MPPE1: variants seen among roughly 807,000 people sequenced by gnomAD.
The protein encoded by MPPE1 is metallophosphoesterase 1.
Under a neutral mutation model 43.8 loss-of-function variants are expected in MPPE1, and 28 were observed. The observed-to-expected ratio is 0.64, with a 90% CI of 0.47 to 0.88. The LOEUF (loss-of-function observed/expected upper bound fraction) is 0.88, where lower values mean the gene tolerates loss of function less well. Ranked by LOEUF, MPPE1 falls within the 40% of genes least tolerant of loss-of-function variation. The probability of loss-of-function intolerance (pLI) is 0.00; values close to 1 mark genes in which losing one functional copy is unlikely to be tolerated. For synonymous variants in MPPE1, 159 were observed against 188.5 expected (o/e 0.84, Z 1.28); for missense variants, 428 against 492.2 (o/e 0.87, Z 1.23).
chr18:11,885,690 G>A lies in MPPE1; in HGVS notation c.994C>T (p.Pro332Ser). The A allele has an allele frequency of 1.2e-6, 2 of 1,613,272 alleles. No individual in the cohort carries two copies. Among genetic ancestry groups the A allele is most frequent in the Non-Finnish European group, 1.7e-6 (2 of 1,179,418 alleles). The change falls in exon 10 of 11, where the codon CCC (proline) becomes TCC (serine). Residue 332 changes from proline (P) to serine (S), a missense_variant. Pro to Ser is a moderately conservative substitution (Grantham distance 74, BLOSUM62 -1). This residue lies in a region of MPPE1 where 379 missense variants were observed against 402.5 expected (regional missense o/e 0.94). Coordinates refer to ENST00000588072, the MANE Select transcript of MPPE1 (RefSeq NM_023075.6). Reference protein sequence around the residue: ...PSFSWRNRNNPSFIMGSITPT... With the variant: ...PSFSWRNRNNSSFIMGSITPT... Reference sequence around the variant, plus strand: ...TTTCACGTTACCATGATGAAACTGGGGTTGTTTCTGTTCCTCCAACTGAAA... The same window carrying A: ...TTTCACGTTACCATGATGAAACTGGAGTTGTTTCTGTTCCTCCAACTGAAA...
intron 2 of MPPE1, among the ~76,000 whole-genome samples, chr18:11,901,413 T>A (rs750776142): frequency 1.3e-4 from 20 of 151,816 alleles, no homozygotes; most frequent in Non-Finnish European, 2.5e-4. Context: ...ATATTATTAG[T>A]AGAGATGGAG....
intron 4 of MPPE1, 23 bp from the exon 5 acceptor site, chr18:11,889,513 T>G: frequency 6.4e-7 from 1 of 1,570,182 alleles, no homozygotes; most frequent in South Asian, 1.1e-5. Context: ...GAATCACTGC[T>G]GAGAGCCAGA....
chr18:11,904,563 C>T (rs2039522936), intron 2 of MPPE1, among the ~76,000 whole-genome samples: 1 of 152,160 alleles, frequency 6.6e-6, no homozygotes, highest in Admixed American at 6.5e-5. Context: ...AAGTGATCCA[C>T]TGGCCTCGGC....
chr18:11,884,595 G>C lies in MPPE1; in HGVS notation c.1041C>G (p.Ser347=). The C allele has an allele frequency of 6.2e-7, 1 of 1,613,914 alleles. No individual in the cohort carries two copies. Among genetic ancestry groups the C allele is most frequent in the Non-Finnish European group, 8.5e-7 (1 of 1,180,032 alleles). ...CATCCTCACGTGGGAGGTAGCACTT[G>C]GAGAGGGTGTAGTCTGTGGGCGTGA... ...GSITPTDYTL[S]KCYLPREDVV... The change falls in exon 11 of 11, where the codon TCC becomes TCG. Residue 347 remains serine, a synonymous_variant. Transcript: ENST00000588072.
chr18:11,884,010 T>C lies in MPPE1; in HGVS notation c.*435A>G. ...CCGGCCACATCTGTACTTTTAAGGGTACAGCTTTACAGTACATAGGAATTT... is the reference window on the plus strand; with the variant it reads ...CCGGCCACATCTGTACTTTTAAGGGCACAGCTTTACAGTACATAGGAATTT... On this transcript the variant is annotated 3_prime_UTR_variant, in exon 11 of 11. Transcript: ENST00000588072. 6.3e-6 allele frequency: 1 copy of C among 158,234 alleles called. No individual in the cohort carries two copies. Among genetic ancestry groups the C allele is most frequent in the Non-Finnish European group, 1.4e-5 (1 of 71,606 alleles). The allele number at this position is 158,234 out of a possible 1,614,324, so 9.8% of individuals were successfully genotyped here.
intron 3 of MPPE1, among the ~76,000 whole-genome samples, chr18:11,896,347 C>G (rs1338978139): frequency 6.6e-6 from 1 of 151,826 alleles, no homozygotes; most frequent in Non-Finnish European, 1.5e-5. Flanking sequence ...GGTGATCCAC[C>G]TGCCTTGGCC....
intron 4 of MPPE1, chr18:11,891,465 C>T (rs1353246458): frequency 6.6e-6 from 1 of 152,020 alleles, no homozygotes; most frequent in Non-Finnish European, 1.5e-5. Context: ...CAGAGCAAGA[C>T]ACCAGCTGAA....
chr18:11,884,348 C>G lies in MPPE1; in HGVS notation c.*97G>C. 1 of 1,133,696 alleles carries G rather than the reference C, an allele frequency of 8.8e-7. No homozygotes were observed. The highest frequency in any genetic ancestry group is 1.5e-5 in the African/African-American group (1 of 64,964). The allele number at this position is 1,133,696 out of a possible 1,614,324, so 70.2% of individuals were successfully genotyped here. ...AGAATTTCTGTGCTGTGCAGAGAGA[C>G]GGCCTGTAATTGGTCTCATCATCCA... On this transcript the variant is annotated 3_prime_UTR_variant, in exon 11 of 11. Coordinates refer to ENST00000588072, the MANE Select transcript of MPPE1 (RefSeq NM_023075.6).
chr18:11,884,186 T>C lies in MPPE1; in HGVS notation c.*259A>G. On this transcript the variant is annotated 3_prime_UTR_variant, in exon 11 of 11. Coordinates refer to ENST00000588072, the MANE Select transcript of MPPE1 (RefSeq NM_023075.6). ...CGACATTAATAGCATTTACATACTG[T>C]ACAGATGCAACCTTTGATGATACAT... 1 of 446,960 alleles carries C rather than the reference T, an allele frequency of 2.2e-6. No homozygotes were observed. Among genetic ancestry groups the C allele is most frequent in the South Asian group, 2.6e-5 (1 of 38,436 alleles). 27.7% of individuals were successfully genotyped at this position (446,960 alleles called of 1,614,324 possible). A position where few individuals can be genotyped will look rare whatever the true frequency, so the allele number is the denominator to read the frequency against.
In MPPE1 at chr18:11,884,590, C is replaced by T. The variant is rs762747959; in HGVS notation, c.1046G>A (p.Cys349Tyr). 5.6e-6 allele frequency: 9 copies of T among 1,613,802 alleles called. No individual in the cohort carries two copies. The highest frequency in any genetic ancestry group is 7.6e-6 in the Non-Finnish European group (9 of 1,180,040). Residue 349 changes from cysteine (C) to tyrosine (Y), a missense_variant, in exon 11 of 11, where the codon TGC (cysteine) becomes TAC (tyrosine). Physicochemically the swap from Cys to Tyr is radical, Grantham distance 194. Around this residue, in one of 3 missense-constraint regions of MPPE1, gnomAD observed 379 missense variants for 402.5 expected, o/e 0.94. Coordinates refer to ENST00000588072, the MANE Select transcript of MPPE1 (RefSeq NM_023075.6). The part of the protein sequence containing the change: ...ITPTDYTLSK[C>Y]YLPREDVVLI... ...AACCACATCCTCACGTGGGAGGTAG[C>T]ACTTGGAGAGGGTGTAGTCTGTGGG...
Position 11,886,861 on chromosome 18 carries a change from CCGAAGCGGAGCAACA to C in MPPE1, c.678+41_678+55del. ...AAGCGCTAGGGGGCTGAGTGAGCAA[CCGAAGCGGAGCAACA>C]CGGGACAGAAGGCACCTGTGGCATT... On this transcript the variant is annotated intron_variant, in intron 7 of 10. Coordinates refer to ENST00000588072, the MANE Select transcript of MPPE1 (RefSeq NM_023075.6). The surrounding 1 kb of genome is among the most constrained non-coding windows in gnomAD (Gnocchi z 4.1). 1 of 1,595,292 alleles carries C rather than the reference CCGAAGCGGAGCAACA, an allele frequency of 6.3e-7. No homozygotes were observed. The highest frequency in any genetic ancestry group is 1.1e-5 in the South Asian group (1 of 90,222).
chr18:11,893,656 A>T, intron 3 of MPPE1, 80 bp from the exon 4 acceptor site: 1 of 1,118,940 alleles, frequency 8.9e-7, no homozygotes, highest in Non-Finnish European at 1.3e-6. Context: ...CCATTTAAAC[A>T]GCAAACTAAA....
intron 10 of MPPE1, 58 bp downstream of exon 10, chr18:11,885,618 A>G (rs1233186936): frequency 1.1e-5 from 17 of 1,564,424 alleles, no homozygotes; most frequent in Non-Finnish European, 1.2e-5. Flanking sequence ...ATAGTTGATT[A>G]CTGTGTTGAT....
chr18:11,896,094 TC>T lies in MPPE1; in HGVS notation c.281+889del, dbSNP rs1241524317. Among the ~76,000 whole-genome samples, 727 of 141,962 alleles carry T rather than the reference TC, an allele frequency of 5.1e-3. 10 individuals carry two copies. The highest frequency in any genetic ancestry group is 0.021 in the East Asian group (101 of 4,732). 93.1% of individuals were successfully genotyped at this position (141,962 alleles called of 152,430 possible). A position where few individuals can be genotyped will look rare whatever the true frequency, so the allele number is the denominator to read the frequency against. On this transcript the variant is annotated intron_variant, in intron 3 of 10. Coordinates refer to ENST00000588072, the MANE Select transcript of MPPE1 (RefSeq NM_023075.6). ...CTCTTTCATTATTCTTATTCTTTAT[TC>T]TTTTTTTTTTTTTTTTTTTTTTTTG...
chr18:11,886,979 T>C lies in MPPE1; in HGVS notation c.616A>G (p.Ile206Val), dbSNP rs755193648. 5.0e-6 allele frequency: 8 copies of C among 1,613,822 alleles called. No individual in the cohort carries two copies. Among genetic ancestry groups the C allele is most frequent in the Non-Finnish European group, 6.8e-6 (8 of 1,179,882 alleles). ...SVALNGDGCGICSETEAELIE... is the reference protein window; with the variant it reads ...SVALNGDGCGVCSETEAELIE... Reference sequence around the variant, plus strand: ...AGCTCTGCTTCTGTTTCAGAGCAGATGCCACAGCCATCCCCGTTCAGCGCC... The same window carrying C: ...AGCTCTGCTTCTGTTTCAGAGCAGACGCCACAGCCATCCCCGTTCAGCGCC... The change falls in exon 7 of 11, where the codon ATC (isoleucine) becomes GTC (valine). Residue 206 changes from isoleucine (I) to valine (V), a missense_variant. Around this residue, in one of 3 missense-constraint regions of MPPE1, gnomAD observed 379 missense variants for 402.5 expected, o/e 0.94. Coordinates refer to ENST00000588072, the MANE Select transcript of MPPE1 (RefSeq NM_023075.6). This position sits in a 1 kb window ranked among gnomAD's most constrained non-coding sequence, Gnocchi z 4.1.
chr18:11,905,479 C>T (rs146961027), intron 2 of MPPE1: 2 of 152,288 alleles, frequency 1.3e-5, no homozygotes, highest in East Asian at 3.9e-4. Flanking sequence ...GACAGAATAA[C>T]TTGTAGGCCT....
At chr18:11,901,217 GATTT>G (rs898404023) in intron 2 of MPPE1, among the ~76,000 whole-genome samples, 18 of 151,706 alleles carry the variant, frequency 1.2e-4, no homozygotes, top group African/African-American at 3.6e-4. Context: ...ATTAACTCTT[GATTT>G]ATTTATTTAT....
At chr18:11,908,037 T>G (rs755357536) in intron 1 of MPPE1, 164 bp downstream of exon 1, 2 of 151,844 alleles carry the variant, frequency 1.3e-5, no homozygotes, top group Admixed American at 6.6e-5. Flanking sequence ...CAAACTAGAG[T>G]GAGAGACCCC....
intron 4 of MPPE1, among the ~76,000 whole-genome samples, chr18:11,890,146 G>T (rs184572132): frequency 1.9e-4 from 29 of 151,204 alleles, no homozygotes; most frequent in African/African-American, 6.8e-4. Flanking sequence ...GTTTCACTGT[G>T]TTAGCCAGGA....
Sources: gnomAD v4.1 joint callset for allele counts (sites outside exome capture counted in the v4.1 genomes callset) on GRCh38, gnomAD v4.1.1 for gene constraint, gnomAD v4.1.1 regional missense constraint, Gnocchi (gnomAD v3.1) non-coding constraint, MANE v1.5 for transcripts, NCBI Gene and HGNC (gene_info 2026-07-23, HGNC 2026-07-21) for gene names.